CACNA2D3: variants seen among roughly 807,000 people sequenced by gnomAD.
CACNA2D3 encodes the protein voltage-dependent calcium channel subunit alpha-2/delta-3.
Under a neutral mutation model 160.6 loss-of-function variants are expected in CACNA2D3, and 60 were observed. The ratio of observed to expected loss-of-function variants is 0.37; its 90% CI spans 0.30 to 0.46. The LOEUF is 0.46. CACNA2D3 is among the 20% of genes least tolerant of loss of function. The probability of loss-of-function intolerance (pLI) is 1.00; values close to 1 mark genes in which losing one functional copy is unlikely to be tolerated. For missense variants in CACNA2D3, 1,205 were observed against 1,365.0 expected (o/e 0.88, Z 1.85); for synonymous variants, 558 against 492.9 (o/e 1.13, Z -1.75).
At chr3:54,831,508 T>C (rs1176494800) in intron 14 of CACNA2D3, among the ~76,000 whole-genome samples, 1 of 152,252 alleles carries the variant, frequency 6.6e-6, no homozygotes, top group African/African-American at 2.4e-5. Context: ...CTCCCCACCA[T>C]GGGCAACCAC....
At chr3:54,629,291 C>G (rs978386787) in intron 10 of CACNA2D3, among the ~76,000 whole-genome samples, 1 of 151,918 alleles carries the variant, frequency 6.6e-6, no homozygotes, top group African/African-American at 2.4e-5. Context: ...GTCATTCACT[C>G]CACAGTTCAT....
chr3:54,490,162 A>G (rs1011765630), intron 4 of CACNA2D3, among the ~76,000 whole-genome samples: 4 of 152,254 alleles, frequency 2.6e-5, no homozygotes, highest in Admixed American at 2.6e-4. Flanking sequence ...TAAGGAAAAA[A>G]GGAGAAAATG....
rs1468969253 is a variant in CACNA2D3 at position 54,736,126 on chromosome 3, TATATGTATATATATAC to T, written c.1168-16471_1168-16456del. 1.8e-3 allele frequency among the ~76,000 whole-genome samples: 110 copies of T among 60,060 alleles called. 8 individuals carry two copies. The highest frequency in any genetic ancestry group is 4.4e-3 in the African/African-American group (66 of 14,846). 39.4% of individuals were successfully genotyped at this position (60,060 alleles called of 152,430 possible). A position where few individuals can be genotyped will look rare whatever the true frequency, so the allele number is the denominator to read the frequency against. On this transcript the variant is annotated intron_variant, in intron 11 of 37. Transcript: ENST00000474759. ...ATATATATGTATATATATACATATA[TATATGTATATATATAC>T]ACACACACACACACACACACACAGA...
intron 27 of CACNA2D3, among the ~76,000 whole-genome samples, chr3:54,901,587 G>A (rs1306162058): frequency 6.6e-6 from 1 of 152,138 alleles, no homozygotes; most frequent in East Asian, 1.9e-4. Flanking sequence ...CACCCTGAGT[G>A]GGTGGAGAAG....
intron 24 of CACNA2D3, among the ~76,000 whole-genome samples, chr3:54,890,913 T>C (rs1371951979): frequency 6.6e-6 from 1 of 152,208 alleles, no homozygotes; most frequent in Non-Finnish European, 1.5e-5. Flanking sequence ...GCTGCTTTAA[T>C]GGCAGATTCC....
chr3:54,745,549 C>G (rs1559567112), intron 11 of CACNA2D3, among the ~76,000 whole-genome samples: 1 of 152,236 alleles, frequency 6.6e-6, no homozygotes, highest in Non-Finnish European at 1.5e-5. Context: ...GGTTAATACA[C>G]TGGCCCTGTC....
intron 5 of CACNA2D3, among the ~76,000 whole-genome samples, chr3:54,530,797 G>T (rs1167410573): frequency 6.6e-6 from 1 of 152,186 alleles, no homozygotes; most frequent in East Asian, 1.9e-4. Flanking sequence ...TTGCCTGAAT[G>T]TGAAATCTTC....
chr3:54,490,047 GTGTT>G (rs907802490), intron 4 of CACNA2D3, among the ~76,000 whole-genome samples: 6 of 152,172 alleles, frequency 3.9e-5, no homozygotes, highest in Admixed American at 2.0e-4. Flanking sequence ...CGGGAGCTGG[GTGTT>G]TGTTTGGCTC....
intron 25 of CACNA2D3, 94 bp from the exon 26 acceptor site, chr3:54,896,655 A>G: frequency 6.7e-7 from 1 of 1,494,856 alleles, no homozygotes; most frequent in Non-Finnish European, 9.3e-7. Flanking sequence ...AAAAGTGAAC[A>G]CTGGTTTTAC....
At chr3:54,760,784 T>G (rs1010974716) in intron 12 of CACNA2D3, among the ~76,000 whole-genome samples, 9 of 152,034 alleles carry the variant, frequency 5.9e-5, no homozygotes, top group African/African-American at 1.9e-4. Flanking sequence ...AATTATGTTT[T>G]GGCCTCTCTG....
intron 4 of CACNA2D3, among the ~76,000 whole-genome samples, chr3:54,468,558 TG>T (rs1344880552): frequency 1.3e-5 from 2 of 152,042 alleles, no homozygotes; most frequent in African/African-American, 4.8e-5. Context: ...CCGTGGCGCC[TG>T]GAATGCCAGC....
intron 11 of CACNA2D3, among the ~76,000 whole-genome samples, chr3:54,736,769 A>G (rs1443444244): frequency 6.6e-6 from 1 of 152,186 alleles, no homozygotes; most frequent in East Asian, 1.9e-4. Context: ...GTCATAATGT[A>G]GCAATTAAGA....
chr3:54,799,606 T>A (rs1411190629), intron 13 of CACNA2D3, among the ~76,000 whole-genome samples: 1 of 152,226 alleles, frequency 6.6e-6, no homozygotes, highest in East Asian at 1.9e-4. Flanking sequence ...GAGTTTTCAC[T>A]AATTTTCTTC....
At chr3:54,388,748 A>G (rs573509912) in intron 4 of CACNA2D3, among the ~76,000 whole-genome samples, 1 of 152,318 alleles carries the variant, frequency 6.6e-6, no homozygotes, top group South Asian at 2.1e-4. Context: ...TTGTCAGAGA[A>G]TTTGGACTTG....
intron 4 of CACNA2D3, among the ~76,000 whole-genome samples, chr3:54,484,546 A>G (rs1700985011): frequency 6.6e-6 from 1 of 152,190 alleles, no homozygotes; most frequent in East Asian, 1.9e-4. Context: ...TCTTCCCCTA[A>G]TTAACATCCT....
intron 2 of CACNA2D3, among the ~76,000 whole-genome samples, chr3:54,158,785 C>G (rs978238531): frequency 6.6e-6 from 1 of 152,178 alleles, no homozygotes; most frequent in East Asian, 1.9e-4. Flanking sequence ...GTCAGACCTG[C>G]CCATCTGCAT....
At chr3:54,509,322 A>AGG (rs777848823) in intron 5 of CACNA2D3, among the ~76,000 whole-genome samples, 46 of 151,740 alleles carry the variant, frequency 3.0e-4, no homozygotes, top group Non-Finnish European at 4.6e-4. Context: ...TTTGAGAGAG[A>AGG]GGGAGAGAGA....
rs74339545 is a variant in CACNA2D3, at chr3:54,318,243, G to A, written c.205-2199G>A. Among the ~76,000 whole-genome samples, 1,255 of 152,258 alleles carry A rather than the reference G, an allele frequency of 8.2e-3. 16 individuals carry two copies. The highest frequency in any genetic ancestry group is 0.029 in the African/African-American group (1,199 of 41,550). On this transcript the variant is annotated intron_variant, in intron 2 of 37. Transcript: ENST00000474759. ...AGAGCACAGACGGTTTTGGGGTCTGGGATGGAGCATGAACCCTTCTTGTGT... is the reference window on the plus strand; with the variant it reads ...AGAGCACAGACGGTTTTGGGGTCTGAGATGGAGCATGAACCCTTCTTGTGT...
chr3:54,685,199 A>C (rs1700427905), intron 11 of CACNA2D3, among the ~76,000 whole-genome samples: 1 of 152,212 alleles, frequency 6.6e-6, no homozygotes, highest in Non-Finnish European at 1.5e-5. Context: ...TGAAAATGAG[A>C]ATGAATGAAA....
Sources: allele counts gnomAD v4.1 joint callset (sites outside exome capture counted in the v4.1 genomes callset), GRCh38; gene constraint gnomAD v4.1.1; transcripts MANE v1.5; gene names NCBI Gene and HGNC (gene_info 2026-07-23, HGNC 2026-07-21).